Variants in AUTS2 observed in about 807,000 individuals in gnomAD.
The protein encoded by AUTS2 is activator of transcription and developmental regulator AUTS2.
AUTS2 carries 17 observed loss-of-function variants against 112.4 expected under a neutral mutation model. The observed-to-expected ratio is 0.15, with a 90% CI of 0.10 to 0.23. The LOEUF (loss-of-function observed/expected upper bound fraction) is 0.23. Ranked by LOEUF, AUTS2 falls within the 10% of genes least tolerant of loss-of-function variation. AUTS2 has a pLI of 1.00. For missense variants in AUTS2, 1,510 were observed against 1,701.6 expected (o/e 0.89, Z 1.98); for synonymous variants, 751 against 702.7 (o/e 1.07, Z -1.09).
intron 5 of AUTS2, among the ~76,000 whole-genome samples, chr7:70,554,416 A>T (rs1172486667): frequency 2.9e-5 from 4 of 135,942 alleles, no homozygotes; most frequent in Non-Finnish European, 4.6e-5. Context: ...TTTTTTTTGA[A>T]ACGAGGTCAT....
At chr7:70,268,632 C>T (rs1445547507) in intron 4 of AUTS2, among the ~76,000 whole-genome samples, 3 of 152,178 alleles carry the variant, frequency 2.0e-5, no homozygotes, top group Admixed American at 1.3e-4. Context: ...ATTATAGCCT[C>T]CCCTTTGGGG....
chr7:70,269,300 C>G (rs529783942), intron 4 of AUTS2, among the ~76,000 whole-genome samples: 1 of 152,286 alleles, frequency 6.6e-6, no homozygotes, highest in African/African-American at 2.4e-5. Context: ...AGTTCTGGCT[C>G]TTCCCTTGTG....
chr7:70,749,643 A>G (rs1788677508), intron 6 of AUTS2, among the ~76,000 whole-genome samples: 1 of 152,236 alleles, frequency 6.6e-6, no homozygotes, highest in South Asian at 2.1e-4. Context: ...GTGCTCACGC[A>G]TAAGCTAGTC....
intron 5 of AUTS2, among the ~76,000 whole-genome samples, chr7:70,624,132 AAT>A (rs1386811092): frequency 6.5e-4 from 99 of 152,370 alleles, no homozygotes; most frequent in African/African-American, 2.3e-3. Flanking sequence ...TTAAAAAATC[AAT>A]ATGAAGATAA....
chr7:69,775,263 T>C (rs17140890), intron 1 of AUTS2, among the ~76,000 whole-genome samples: 20,005 of 152,242 alleles, frequency 0.13, 1,492 homozygotes, highest in Admixed American at 0.22. Context: ...ATTTGGGAAC[T>C]GCTGTTGCCT....
chr7:70,225,344 C>A (rs1811707509), intron 4 of AUTS2, among the ~76,000 whole-genome samples: 1 of 152,180 alleles, frequency 6.6e-6, no homozygotes, highest in Non-Finnish European at 1.5e-5. Flanking sequence ...ATTAGCATGA[C>A]TTCAGAGCTA....
intron 5 of AUTS2, among the ~76,000 whole-genome samples, chr7:70,454,159 C>G (rs995544456): frequency 1.3e-5 from 2 of 152,148 alleles, no homozygotes; most frequent in African/African-American, 4.8e-5. Flanking sequence ...TTCCACACCC[C>G]CAGTGTGTCA....
chr7:70,309,028 G>A (rs765518538), intron 4 of AUTS2, among the ~76,000 whole-genome samples: 1 of 152,206 alleles, frequency 6.6e-6, no homozygotes, highest in South Asian at 2.1e-4. Context: ...ACACTGGAAA[G>A]GCAAGTGGTT....
chr7:70,648,168 T>C (rs1806277890), intron 5 of AUTS2, among the ~76,000 whole-genome samples: 1 of 152,184 alleles, frequency 6.6e-6, no homozygotes, highest in Non-Finnish European at 1.5e-5. Flanking sequence ...GAGTCTAGAA[T>C]TGTTCCTGTG....
rs200181266 is a variant in AUTS2, at chr7:69,881,471, T to A, written c.310-17815T>A. Among the ~76,000 whole-genome samples the A allele has an allele frequency of 3.9e-5, 6 of 152,308 alleles. No homozygotes were observed. In the East Asian group the frequency reaches 1.2e-3, roughly 29 times the overall value. On this transcript the variant is annotated intron_variant, in intron 1 of 18. Coordinates refer to ENST00000342771, the MANE Select transcript of AUTS2 (RefSeq NM_015570.4). ...ACTATTTTTGTATGCATTTATTTTCTTTTTGGAAATGGACAGATGTCTCAT... is the reference window on the plus strand; with the variant it reads ...ACTATTTTTGTATGCATTTATTTTCATTTTGGAAATGGACAGATGTCTCAT...
intron 1 of AUTS2, among the ~76,000 whole-genome samples, chr7:69,855,354 G>A (rs1329284864): frequency 6.6e-6 from 1 of 152,160 alleles, no homozygotes; most frequent in African/African-American, 2.4e-5. Flanking sequence ...CAGGCTAATA[G>A]AGATCTGTTT....
chr7:70,208,944 A>G (rs1421000379), intron 4 of AUTS2, among the ~76,000 whole-genome samples: 1 of 152,138 alleles, frequency 6.6e-6, no homozygotes, highest in East Asian at 1.9e-4. Flanking sequence ...GCTGTGGGTA[A>G]AATGTATGTT....
rs145390880 is a variant in AUTS2, at chr7:70,620,057, G to A, written c.691-78512G>A. Among the ~76,000 whole-genome samples the A allele has an allele frequency of 1.3e-4, 20 of 152,136 alleles. No homozygotes were observed. In the South Asian group the frequency reaches 4.0e-3, roughly 30 times the overall value. On this transcript the variant is annotated intron_variant, in intron 5 of 18. Transcript: ENST00000342771. The stretch of plus-strand genomic sequence containing the variant: ...CTCTGTAGGGGTGCAGATTCCCACC[G>A]AGCCCATGGCCTTACCTGCACCTCT...
At chr7:70,310,090 A>T (rs1048252176) in intron 4 of AUTS2, among the ~76,000 whole-genome samples, 3 of 152,188 alleles carry the variant, frequency 2.0e-5, no homozygotes, top group Admixed American at 2.0e-4. Flanking sequence ...CTGGTTAAAT[A>T]ACTGATTGAA....
chr7:70,458,501 T>A (rs936176187), intron 5 of AUTS2, among the ~76,000 whole-genome samples: 1 of 152,226 alleles, frequency 6.6e-6, no homozygotes, highest in Non-Finnish European at 1.5e-5. Flanking sequence ...TTGTCTATTA[T>A]GTTTTCAAAA....
chr7:69,614,477 C>A (rs1264351821), intron 1 of AUTS2, among the ~76,000 whole-genome samples: 1 of 151,740 alleles, frequency 6.6e-6, no homozygotes, highest in East Asian at 1.9e-4. Flanking sequence ...CTGCAGCCTC[C>A]TGAGGACCTG....
chr7:70,576,798 T>G (rs899365972), intron 5 of AUTS2, among the ~76,000 whole-genome samples: 1 of 152,208 alleles, frequency 6.6e-6, no homozygotes, highest in African/African-American at 2.4e-5. Flanking sequence ...ATAAAGGATT[T>G]TGTTTGAAAA....
intron 2 of AUTS2, among the ~76,000 whole-genome samples, chr7:69,968,611 A>T (rs981369324): frequency 2.6e-5 from 4 of 152,156 alleles, no homozygotes; most frequent in Non-Finnish European, 5.9e-5. Context: ...GAGGATCCTA[A>T]CGTGTGCCTC....
chr7:69,713,803 A>G (rs2129204788), intron 1 of AUTS2, among the ~76,000 whole-genome samples: 1 of 152,180 alleles, frequency 6.6e-6, no homozygotes, highest in African/African-American at 2.4e-5. Context: ...GTTTTATTAA[A>G]TGTATGATTT....
Sources: gnomAD v4.1 joint callset for allele counts (sites outside exome capture counted in the v4.1 genomes callset) on GRCh38, gnomAD v4.1.1 for gene constraint, MANE v1.5 for transcripts, NCBI Gene and HGNC (gene_info 2026-07-23, HGNC 2026-07-21) for gene names.